The following SPMIP11 variants were observed in gnomAD, a reference collection of about 807,000 sequenced individuals.
The protein encoded by SPMIP11 is sperm microtubule inner protein 11, also known as long intergenic non-protein coding RNA 935.
At chr12:48,765,128 G>A in the SPMIP11 span, 1 of 593,344 alleles carries the variant, frequency 1.7e-6, no homozygotes, top group African/African-American at 1.9e-5. Flanking sequence ...GAGAAAACTG[G>A]CCCCAGAATT....
chr12:48,740,656 C>G, the SPMIP11 span, among the ~76,000 whole-genome samples: 1 of 151,688 alleles, frequency 6.6e-6, no homozygotes, highest in African/African-American at 2.4e-5. Context: ...CCACACCTGG[C>G]CAACTTTTTT....
At chr12:48,765,513 G>A in the SPMIP11 span, 5 of 686,798 alleles carry the variant, frequency 7.3e-6, no homozygotes, top group African/African-American at 7.0e-5. Context: ...ACAGGCGTGA[G>A]CCACCGCGCC....
chr12:48,743,933 C>CAAAAAAAAAA, the SPMIP11 span, among the ~76,000 whole-genome samples: 9 of 34,890 alleles, frequency 2.6e-4, no homozygotes, highest in Non-Finnish European at 2.5e-4. Flanking sequence ...GACTTCGTCT[C>CAAAAAAAAAA]AAAAAAAAAA....
chr12:48,761,445 CAAAAAA>C, the SPMIP11 span, among the ~76,000 whole-genome samples: 5 of 96,280 alleles, frequency 5.2e-5, no homozygotes, highest in Non-Finnish European at 1.2e-4. Flanking sequence ...AGCGAGACTC[CAAAAAA>C]AAAAAAAAAA....
the SPMIP11 span, among the ~76,000 whole-genome samples, chr12:48,733,963 G>A: frequency 1.3e-5 from 2 of 151,662 alleles, no homozygotes. Context: ...GTAGAGACAG[G>A]GTTTCACCAT....
the SPMIP11 span, among the ~76,000 whole-genome samples, chr12:48,753,793 C>G: frequency 2.6e-5 from 4 of 151,574 alleles, no homozygotes; most frequent in Admixed American, 1.3e-4. Flanking sequence ...CCTCTGCCCC[C>G]CCGGGTTCAA....
At chr12:48,758,508 A>G in the SPMIP11 span, among the ~76,000 whole-genome samples, 1 of 152,230 alleles carries the variant, frequency 6.6e-6, no homozygotes. Flanking sequence ...TGGCCTAGCC[A>G]AAATTCTTTG....
At chr12:48,750,656 C>A in the SPMIP11 span, among the ~76,000 whole-genome samples, 2 of 152,162 alleles carry the variant, frequency 1.3e-5, no homozygotes, top group East Asian at 3.9e-4. Context: ...ATACAGCATT[C>A]TCTTCGTCTC....
the SPMIP11 span, among the ~76,000 whole-genome samples, chr12:48,730,273 G>A: frequency 6.6e-6 from 1 of 152,098 alleles, no homozygotes; most frequent in African/African-American, 2.4e-5. Flanking sequence ...GAAGTATCCC[G>A]ATATCATCTA....
the SPMIP11 span, among the ~76,000 whole-genome samples, chr12:48,748,647 G>C: frequency 6.6e-6 from 1 of 152,020 alleles, no homozygotes; most frequent in Non-Finnish European, 1.5e-5. Flanking sequence ...CTAGTCTCCT[G>C]GAGGCCTTTT....
chr12:48,766,852 G>C, the SPMIP11 span: 1 of 152,270 alleles, frequency 6.6e-6, no homozygotes, highest in Admixed American at 6.5e-5. Flanking sequence ...AGTGCCTTTG[G>C]CTTAAATAGG....
At chr12:48,743,662 C>T in the SPMIP11 span, among the ~76,000 whole-genome samples, 10 of 152,048 alleles carry the variant, frequency 6.6e-5, no homozygotes, top group Non-Finnish European at 1.5e-4. Flanking sequence ...CAAAAAATAG[C>T]CAGCTGCTGT....
the SPMIP11 span, among the ~76,000 whole-genome samples, chr12:48,745,665 CAT>C: frequency 6.6e-6 from 1 of 152,154 alleles, no homozygotes; most frequent in Non-Finnish European, 1.5e-5. Flanking sequence ...TAGAAGAAAA[CAT>C]AGAATATTTG....
the SPMIP11 span, chr12:48,768,088 C>A: frequency 5.3e-6 from 1 of 189,340 alleles, no homozygotes; most frequent in African/African-American, 2.4e-5. Flanking sequence ...GGGGAAGTGC[C>A]CAGGACCAGT....
chr12:48,738,639 A>G, the SPMIP11 span, among the ~76,000 whole-genome samples: 10 of 150,224 alleles, frequency 6.7e-5, no homozygotes, highest in Non-Finnish European at 1.0e-4. Context: ...GGTTCATGCC[A>G]TTCTCCTGCC....
the SPMIP11 span, among the ~76,000 whole-genome samples, chr12:48,753,788 G>GCCC: frequency 3.2e-4 from 45 of 140,720 alleles, no homozygotes; most frequent in African/African-American, 1.1e-3. Context: ...TGCAACCTCT[G>GCCC]CCCCCCCGGG....
chr12:48,748,389 G>A, the SPMIP11 span, among the ~76,000 whole-genome samples: 1 of 151,740 alleles, frequency 6.6e-6, no homozygotes, highest in African/African-American at 2.4e-5. Context: ...CCTTGACCAC[G>A]TGGTCCCCTC....
At chr12:48,762,579 G>T in the SPMIP11 span, among the ~76,000 whole-genome samples, 2 of 149,788 alleles carry the variant, frequency 1.3e-5, no homozygotes, top group Non-Finnish European at 3.0e-5. Context: ...TATTGGTCAG[G>T]CTGGTCTTGA....
At chr12:48,731,125 T>C in the SPMIP11 span, among the ~76,000 whole-genome samples, 2,487 of 152,300 alleles carry the variant, frequency 0.016, 31 homozygotes, top group Non-Finnish European at 0.024. Context: ...GTACAAATGA[T>C]TGATGGTCAG....
Sources: allele counts gnomAD v4.1 joint callset (sites outside exome capture counted in the v4.1 genomes callset), GRCh38; gene constraint gnomAD v4.1.1; transcripts MANE v1.5; gene names NCBI Gene and HGNC (gene_info 2026-07-23, HGNC 2026-07-21).